RALGAPA1: variants seen among roughly 807,000 people sequenced by gnomAD.
RALGAPA1 encodes Ral GTPase activating protein catalytic subunit alpha 1.
RALGAPA1 carries 52 observed loss-of-function variants against 269.6 expected under a neutral mutation model. That is an observed-to-expected ratio of 0.19 (90% CI 0.15 to 0.24). RALGAPA1 has a LOEUF of 0.24. Ranked by LOEUF, RALGAPA1 falls within the 10% of genes least tolerant of loss-of-function variation. The pLI is 1.00. For synonymous variants in RALGAPA1, 817 were observed against 1,008.3 expected (o/e 0.81, Z 3.60); for missense variants, 1,917 against 3,013.9 (o/e 0.64, Z 8.52).
At chr14:35,587,724 G>T (rs1036862297) in intron 37 of RALGAPA1, among the ~76,000 whole-genome samples, 2 of 151,920 alleles carry the variant, frequency 1.3e-5, no homozygotes, top group African/African-American at 2.4e-5. Context: ...GTCGTGGGGT[G>T]GGGGGAAGGG....
intron 16 of RALGAPA1, among the ~76,000 whole-genome samples, chr14:35,719,537 C>G (rs923277163): frequency 6.6e-6 from 1 of 152,142 alleles, no homozygotes. Flanking sequence ...ATATTTTACT[C>G]ATTACATGCT....
At chr14:35,772,351 C>T (rs77237588) in intron 3 of RALGAPA1, among the ~76,000 whole-genome samples, 97 of 152,234 alleles carry the variant, frequency 6.4e-4, no homozygotes, top group Middle Eastern at 3.4e-3. Flanking sequence ...CCACTGCACC[C>T]GGACAGAGAG....
At chr14:35,690,759 G>C (rs1216590070) in intron 17 of RALGAPA1, among the ~76,000 whole-genome samples, 1 of 151,914 alleles carries the variant, frequency 6.6e-6, no homozygotes, top group Non-Finnish European at 1.5e-5. Flanking sequence ...TATATTTCTG[G>C]CTTCTTACAT....
chr14:35,553,033 T>TA (rs1435885086), intron 39 of RALGAPA1, among the ~76,000 whole-genome samples: 1 of 152,238 alleles, frequency 6.6e-6, no homozygotes, highest in Admixed American at 6.5e-5. Flanking sequence ...TGCCATAATT[T>TA]ATCTGTATGT....
intron 1 of RALGAPA1, among the ~76,000 whole-genome samples, chr14:35,792,299 G>C (rs558517431): frequency 2.8e-4 from 43 of 152,196 alleles, no homozygotes; most frequent in Admixed American, 4.6e-4. Context: ...TGGGATTACA[G>C]GCGCCTGCCA....
Position 35,648,321 on chromosome 14 carries a change from T to C in RALGAPA1, c.5676+3484A>G, listed in dbSNP as rs546769737. Among the ~76,000 whole-genome samples, 14 of 148,740 alleles carry C rather than the reference T, an allele frequency of 9.4e-5. No homozygotes were observed. The South Asian group carries it at 1.9e-3, about 20-fold the overall frequency. On this transcript the variant is annotated intron_variant, in intron 31 of 41. Transcript: ENST00000680220. ...TCAAAAAAAAGAAAAAAAAAATTAG[T>C]TGGGCATGGTGGCGCACGCCTGTAA... is the stretch of plus-strand genomic sequence containing the variant.
chr14:35,767,299 A>G (rs2074236276), intron 4 of RALGAPA1, among the ~76,000 whole-genome samples: 1 of 152,220 alleles, frequency 6.6e-6, no homozygotes, highest in Admixed American at 6.5e-5. Flanking sequence ...GGATGGATAT[A>G]AGGCAAAGCT....
intron 12 of RALGAPA1, among the ~76,000 whole-genome samples, chr14:35,735,040 A>T (rs993161790): frequency 6.6e-6 from 1 of 151,960 alleles, no homozygotes. Flanking sequence ...AATAATAAAA[A>T]AAAAAAAAAA....
Position 35,654,413 on chromosome 14 carries a change from G to C in RALGAPA1, c.5561C>G (p.Pro1854Arg), listed in dbSNP as rs1398061482. ...ATCAGGCTGGTAAATCTGAAGTCTA[G>C]GTACATAATGAACCAGCATGTGAAG... ...NMLHMLVHYV[P>R]RLQIYQPDSP... The change falls in exon 30 of 42, where the codon CCT becomes CGT. Residue 1854 changes from proline to arginine, a missense_variant. Physicochemically the swap from Pro to Arg is moderately radical, Grantham distance 103 (BLOSUM62 -2). Transcript: ENST00000680220. 2 of 1,605,718 alleles carry C rather than the reference G, an allele frequency of 1.2e-6. No individual in the cohort carries two copies. The highest frequency in any genetic ancestry group is 1.7e-5 in the Admixed American group (1 of 58,922).
intron 8 of RALGAPA1, among the ~76,000 whole-genome samples, chr14:35,751,575 G>C (rs2072685640): frequency 6.6e-6 from 1 of 151,984 alleles, no homozygotes; most frequent in Non-Finnish European, 1.5e-5. Context: ...CTTGAAGCCA[G>C]GAGTTCAAGA....
At chr14:35,754,115 A>G (rs2072974947) in intron 7 of RALGAPA1, among the ~76,000 whole-genome samples, 1 of 152,196 alleles carries the variant, frequency 6.6e-6, no homozygotes, top group Non-Finnish European at 1.5e-5. Context: ...TGGACCACAG[A>G]CCTTAATGTA....
intron 37 of RALGAPA1, among the ~76,000 whole-genome samples, chr14:35,583,937 T>C (rs1026804683): frequency 1.1e-4 from 16 of 152,322 alleles, no homozygotes; most frequent in Admixed American, 8.5e-4. Context: ...CCTGTAGACC[T>C]ACCTTTCAAG....
At chr14:35,609,362 A>T (rs1210478585) in intron 35 of RALGAPA1, among the ~76,000 whole-genome samples, 1 of 152,228 alleles carries the variant, frequency 6.6e-6, no homozygotes, top group Admixed American at 6.5e-5. Flanking sequence ...TAATTCACAA[A>T]TGTGTGAAAA....
chr14:35,626,340 T>C (rs1281585017), intron 34 of RALGAPA1, among the ~76,000 whole-genome samples: 1 of 152,190 alleles, frequency 6.6e-6, no homozygotes, highest in East Asian at 1.9e-4. Flanking sequence ...CGTTCACTGA[T>C]ATCTGAGCTT....
intron 31 of RALGAPA1, among the ~76,000 whole-genome samples, chr14:35,644,724 G>A (rs765211062): frequency 1.6e-4 from 25 of 152,128 alleles, no homozygotes; most frequent in Non-Finnish European, 1.0e-4. Context: ...ACTGAATCTC[G>A]TGGTGTTGGA....
chr14:35,691,239 C>A (rs2066456370), intron 17 of RALGAPA1, among the ~76,000 whole-genome samples: 1 of 151,998 alleles, frequency 6.6e-6, no homozygotes, highest in Admixed American at 6.6e-5. Flanking sequence ...CATATCACTG[C>A]ATTATTTTCA....
At chr14:35,720,795 G>T (rs1397709670) in intron 16 of RALGAPA1, among the ~76,000 whole-genome samples, 1 of 152,130 alleles carries the variant, frequency 6.6e-6, no homozygotes, top group African/African-American at 2.4e-5. Flanking sequence ...ATGGTGGCAG[G>T]CGCCTGTAGT....
chr14:35,734,486 T>C (rs1202127140), intron 12 of RALGAPA1, among the ~76,000 whole-genome samples: 1 of 152,176 alleles, frequency 6.6e-6, no homozygotes, highest in Non-Finnish European at 1.5e-5. Context: ...GGTGCTGGGA[T>C]GATAGGTTAG....
intron 1 of RALGAPA1, among the ~76,000 whole-genome samples, chr14:35,795,470 G>A (rs1299708667): frequency 1.3e-5 from 2 of 152,114 alleles, no homozygotes; most frequent in East Asian, 3.9e-4. Context: ...TGCTCACACA[G>A]AGCTGGGAAG....
Sources: gnomAD v4.1 joint callset for allele counts (sites outside exome capture counted in the v4.1 genomes callset) on GRCh38, gnomAD v4.1.1 for gene constraint, MANE v1.5 for transcripts, NCBI Gene and HGNC (gene_info 2026-07-23, HGNC 2026-07-21) for gene names.